Variants in FSIP1 observed in about 807,000 individuals in gnomAD.
The protein encoded by FSIP1 is fibrous sheath-interacting protein 1.
A neutral mutation model predicts 60.9 loss-of-function variants in FSIP1; 65 were observed. The ratio of observed to expected loss-of-function variants is 1.07; its 90% CI spans 0.87 to 1.31. The LOEUF is 1.31. FSIP1 is among the 40% of genes most tolerant of loss of function. The pLI is 0.00. For synonymous variants in FSIP1, 209 were observed against 221.2 expected (o/e 0.94, Z 0.49); for missense variants, 675 against 665.5 (o/e 1.01, Z -0.16).
chr15:39,727,441 G>A (rs1896241781), intron 8 of FSIP1, among the ~76,000 whole-genome samples: 1 of 152,198 alleles, frequency 6.6e-6, no homozygotes, highest in African/African-American at 2.4e-5. Flanking sequence ...TCTGTGAGCA[G>A]GAAGGGGCTG....
At chr15:39,681,659 G>A (rs1894168717) in intron 10 of FSIP1, among the ~76,000 whole-genome samples, 1 of 152,032 alleles carries the variant, frequency 6.6e-6, no homozygotes, top group Non-Finnish European at 1.5e-5. Flanking sequence ...CACAGAAGGA[G>A]AGTTAAGTGA....
At chr15:39,658,044 C>A (rs1238245184) in intron 10 of FSIP1, among the ~76,000 whole-genome samples, 1 of 152,116 alleles carries the variant, frequency 6.6e-6, no homozygotes, top group Non-Finnish European at 1.5e-5. Context: ...TAACTGTGTA[C>A]TTTTAACATA....
At chr15:39,634,044 A>G (rs927223639) in intron 10 of FSIP1, among the ~76,000 whole-genome samples, 1 of 151,796 alleles carries the variant, frequency 6.6e-6, no homozygotes, top group Non-Finnish European at 1.5e-5. Context: ...CACTAAACGG[A>G]CTCCCTGTGC....
At chr15:39,683,379 T>A (rs984980462) in intron 10 of FSIP1, among the ~76,000 whole-genome samples, 5 of 151,876 alleles carry the variant, frequency 3.3e-5, no homozygotes, top group Admixed American at 3.3e-4. Flanking sequence ...AAATTCAACA[T>A]ACATTCATGA....
chr15:39,717,675 C>T (rs768684145), intron 9 of FSIP1, among the ~76,000 whole-genome samples: 6 of 152,122 alleles, frequency 3.9e-5, no homozygotes, highest in Non-Finnish European at 8.8e-5. Context: ...GTCTTAAAAT[C>T]CTCATATCCT....
chr15:39,733,371 T>C (rs1170013939), intron 8 of FSIP1, among the ~76,000 whole-genome samples: 5 of 152,148 alleles, frequency 3.3e-5, no homozygotes, highest in African/African-American at 1.2e-4. Context: ...GAGAGCTACA[T>C]GGCTAAGCAG....
chr15:39,626,594 C>T (rs1891648888), intron 10 of FSIP1, among the ~76,000 whole-genome samples: 1 of 152,080 alleles, frequency 6.6e-6, no homozygotes, highest in African/African-American at 2.4e-5. Flanking sequence ...GGGTGGTTTC[C>T]CCCATGCTGT....
At chr15:39,679,491 T>C (rs1894075948) in intron 10 of FSIP1, among the ~76,000 whole-genome samples, 2 of 152,176 alleles carry the variant, frequency 1.3e-5, no homozygotes, top group South Asian at 4.2e-4. Context: ...CATCCCAGCA[T>C]TTTGGGAGGC....
At chr15:39,718,132 A>T (rs77802015) in intron 9 of FSIP1, among the ~76,000 whole-genome samples, 3 of 151,908 alleles carry the variant, frequency 2.0e-5, no homozygotes, top group Admixed American at 1.3e-4. Flanking sequence ...CTATATAAAT[A>T]GTCCCTTCAT....
chr15:39,636,643 C>G (rs1595558338), intron 10 of FSIP1, among the ~76,000 whole-genome samples: 1 of 152,246 alleles, frequency 6.6e-6, no homozygotes, highest in East Asian at 1.9e-4. Flanking sequence ...TACCATATCC[C>G]CTGTTCTAGT....
chr15:39,752,419 G>GA (rs972079394), intron 5 of FSIP1, among the ~76,000 whole-genome samples: 10 of 152,008 alleles, frequency 6.6e-5, no homozygotes, highest in African/African-American at 2.4e-4. Flanking sequence ...ACTTACAGTG[G>GA]AAAAATCTTA....
Position 39,617,830 on chromosome 15 carries a change from G to A in FSIP1, c.1604C>T (p.Pro535Leu), listed in dbSNP as rs747876924. ...ATACAGTGGATCATCTAAGAAGGAG[G>A]GCCTTTTCAGTCTCCCAATGCCAAG... is the stretch of plus-strand genomic sequence containing the variant. ...KTLGIGRLKR[P>L]SFLDDPLYGI... Residue 535 changes from proline (P) to leucine (L), a missense_variant, in exon 11 of 12, where the codon CCC becomes CTC. Pro to Leu is a moderately conservative substitution (Grantham distance 98). Transcript: ENST00000350221. 8 of 1,614,014 alleles carry A rather than the reference G, an allele frequency of 5.0e-6. No homozygotes were observed. In the South Asian group the frequency reaches 8.8e-5, roughly 18 times the overall value.
chr15:39,736,598 C>G (rs754678547), intron 8 of FSIP1, among the ~76,000 whole-genome samples: 1 of 152,150 alleles, frequency 6.6e-6, no homozygotes, highest in Non-Finnish European at 1.5e-5. Context: ...TCCCACTGGA[C>G]GGGCACACCC....
chr15:39,617,565 T>G (rs538849947), intron 11 of FSIP1, among the ~76,000 whole-genome samples, 170 bp downstream of exon 11: 1 of 152,238 alleles, frequency 6.6e-6, no homozygotes, highest in Non-Finnish European at 1.5e-5. Flanking sequence ...ACCTCAACTT[T>G]GATTTCATAA....
chr15:39,709,107 T>C (rs1165132935), intron 10 of FSIP1, among the ~76,000 whole-genome samples: 1 of 152,188 alleles, frequency 6.6e-6, no homozygotes, highest in East Asian at 1.9e-4. Context: ...TTTCCAGCAT[T>C]TACTGACAAA....
chr15:39,730,027 CT>C (rs1421387601), intron 8 of FSIP1, among the ~76,000 whole-genome samples: 1 of 151,890 alleles, frequency 6.6e-6, no homozygotes, highest in Non-Finnish European at 1.5e-5. Context: ...ATGTGTACCC[CT>C]GAACCTAAAA....
At chr15:39,663,399 A>G (rs926102556) in intron 10 of FSIP1, among the ~76,000 whole-genome samples, 1 of 152,164 alleles carries the variant, frequency 6.6e-6, no homozygotes, top group Non-Finnish European at 1.5e-5. Flanking sequence ...ATTGTATCTA[A>G]ACAGATACAA....
intron 10 of FSIP1, among the ~76,000 whole-genome samples, chr15:39,622,087 C>G (rs146043333): frequency 5.3e-5 from 8 of 152,330 alleles, no homozygotes; most frequent in African/African-American, 1.9e-4. Flanking sequence ...CAGCCTTTTT[C>G]CAGATTGCTC....
intron 10 of FSIP1, among the ~76,000 whole-genome samples, chr15:39,703,383 AAC>A (rs1234083734): frequency 6.6e-6 from 1 of 150,410 alleles, no homozygotes; most frequent in Non-Finnish European, 1.5e-5. Context: ...GCATTATCAT[AAC>A]ACATGTGAAA....
Sources: allele counts gnomAD v4.1 joint callset (sites outside exome capture counted in the v4.1 genomes callset), GRCh38; gene constraint gnomAD v4.1.1; transcripts MANE v1.5; gene names NCBI Gene and HGNC (gene_info 2026-07-23, HGNC 2026-07-21).